BNC2: variants seen among roughly 807,000 people sequenced by gnomAD.
BNC2 encodes the protein basonuclin zinc finger protein 2, also known as zinc finger protein basonuclin-2.
In BNC2, 20 loss-of-function variants were observed where a neutral mutation model predicts 76.3. The observed-to-expected ratio is 0.26, with a 90% CI of 0.18 to 0.38. The LOEUF is 0.38. Ranked by LOEUF, BNC2 falls within the 10% of genes least tolerant of loss-of-function variation. The pLI is 1.00. For missense variants in BNC2, 1,382 were observed against 1,399.8 expected (o/e 0.99, Z 0.20); for synonymous variants, 582 against 514.8 (o/e 1.13, Z -1.77).
At chr9:16,532,005 T>G (rs1036699284) in intron 5 of BNC2, among the ~76,000 whole-genome samples, 2 of 152,078 alleles carry the variant, frequency 1.3e-5, no homozygotes, top group Non-Finnish European at 2.9e-5. Context: ...GTTATCTCAG[T>G]TGCTAACGCA....
intron 1 of BNC2, among the ~76,000 whole-genome samples, chr9:16,820,873 CA>C (rs1416947835): frequency 6.6e-6 from 1 of 151,332 alleles, no homozygotes; most frequent in African/African-American, 2.4e-5. Flanking sequence ...AATCAAACAG[CA>C]ATGGGAAAAC....
rs545565230 is a variant in BNC2 at position 16,483,696 on chromosome 9, T to C, written c.670-46172A>G. Among the ~76,000 whole-genome samples, 3 of 152,280 alleles carry C rather than the reference T, an allele frequency of 2.0e-5. No individual in the cohort carries two copies. In the South Asian group the frequency reaches 6.2e-4, roughly 32 times the overall value. On this transcript the variant is annotated intron_variant, in intron 5 of 6. Coordinates refer to ENST00000380672, the MANE Select transcript of BNC2 (RefSeq NM_017637.6). ...AAATCCAAGCAAATTCACACGCATA[T>C]GTGGAGATTATTTTCAGGGATACTT...
chr9:16,806,241 A>C (rs1276041952), intron 1 of BNC2, among the ~76,000 whole-genome samples: 1 of 152,298 alleles, frequency 6.6e-6, no homozygotes, highest in Non-Finnish European at 1.5e-5. Context: ...TCTGGGAGGC[A>C]AAAGCAGGAG....
intron 1 of BNC2, among the ~76,000 whole-genome samples, chr9:16,741,752 G>A (rs1336756661): frequency 6.6e-6 from 1 of 152,076 alleles, no homozygotes; most frequent in Non-Finnish European, 1.5e-5. Flanking sequence ...GAGGTCAGGA[G>A]TTCAAGACCA....
chr9:16,648,171 T>C (rs1821689197), intron 3 of BNC2, among the ~76,000 whole-genome samples: 2 of 152,182 alleles, frequency 1.3e-5, no homozygotes, highest in African/African-American at 4.8e-5. Flanking sequence ...GAGAGATAAA[T>C]GCTCTGCTGC....
At chr9:16,663,206 T>G (rs1183399526) in intron 3 of BNC2, among the ~76,000 whole-genome samples, 3 of 145,450 alleles carry the variant, frequency 2.1e-5, no homozygotes, top group Non-Finnish European at 4.5e-5. Context: ...CCCGGCTCAC[T>G]GCAACCTCCA....
At position 16,665,224 on chromosome 9, in the gene BNC2, G is replaced by A. The variant is rs761539175; in HGVS notation, c.330+62573C>T. 3.4e-5 allele frequency: 13 copies of A among 379,132 alleles called. 1 individual carries two copies. Among genetic ancestry groups the A allele is most frequent in the South Asian group, 2.4e-4 (12 of 49,594 alleles). 23.5% of individuals were successfully genotyped at this position (379,132 alleles called of 1,614,324 possible). A position where few individuals can be genotyped will look rare whatever the true frequency, so the allele number is the denominator to read the frequency against. On this transcript the variant is annotated intron_variant, in intron 3 of 6. Transcript: ENST00000380672. The stretch of plus-strand genomic sequence containing the variant: ...TTTCTACTAAAAATAGAAAAAATTA[G>A]CCAGGCATGGTGGTGCATGCCTGTA...
In BNC2 at chr9:16,728,092, G is replaced by A. The variant is rs537697651; in HGVS notation, c.130-95C>T. 1.0e-5 allele frequency: 9 copies of A among 875,360 alleles called. No individual in the cohort carries two copies. In the South Asian group the frequency reaches 1.2e-4, roughly 11 times the overall value. The allele number at this position is 875,360 out of a possible 1,614,324, so 54.2% of individuals were successfully genotyped here. A position where few individuals can be genotyped will look rare whatever the true frequency, so the allele number is the denominator to read the frequency against. On this transcript the variant is annotated intron_variant, in intron 2 of 6. Coordinates refer to ENST00000380672, the MANE Select transcript of BNC2 (RefSeq NM_017637.6). ...CTGGCTGAACTGTGCATTTCATTTGGGAAGGGGGAGATTTGGGGGAGGGAG... is the reference window on the plus strand; with the variant it reads ...CTGGCTGAACTGTGCATTTCATTTGAGAAGGGGGAGATTTGGGGGAGGGAG...
chr9:16,548,967 A>G (rs1818573396), intron 5 of BNC2, among the ~76,000 whole-genome samples: 1 of 152,244 alleles, frequency 6.6e-6, no homozygotes, highest in Admixed American at 6.5e-5. Context: ...ATAGACACTC[A>G]CATAGGTGAA....
At chr9:16,744,614 G>A (rs1433016232) in intron 1 of BNC2, among the ~76,000 whole-genome samples, 1 of 152,180 alleles carries the variant, frequency 6.6e-6, no homozygotes, top group Non-Finnish European at 1.5e-5. Flanking sequence ...CCCAGAGGAA[G>A]GGATCATCAC....
intron 1 of BNC2, among the ~76,000 whole-genome samples, chr9:16,787,672 C>T (rs3927536): frequency 0.56 from 84,645 of 151,970 alleles, 28,587 homozygotes; most frequent in Non-Finnish European, 0.77. Flanking sequence ...CTCTGGCCAC[C>T]GCTTCCTACA....
At chr9:16,458,605 G>T (rs931932128) in intron 5 of BNC2, among the ~76,000 whole-genome samples, 1 of 152,088 alleles carries the variant, frequency 6.6e-6, no homozygotes, top group East Asian at 1.9e-4. Context: ...AAAACAATCC[G>T]CCAACTACAT....
intron 3 of BNC2, among the ~76,000 whole-genome samples, chr9:16,641,519 C>A (rs984704061): frequency 6.6e-6 from 1 of 152,150 alleles, no homozygotes; most frequent in Non-Finnish European, 1.5e-5. Context: ...AATTAATTTC[C>A]TGATTGTTTA....
At position 16,436,139 on chromosome 9, in the gene BNC2, G is replaced by A; in HGVS notation, c.2055C>T (p.Gly685=). ...HCHSQEEMSP[G]MSVKDFSKHN... Reference sequence around the variant, plus strand: ...GCTTAGAAAAGTCCTTCACAGACATGCCTGGGCTCATCTCCTCTTGGGAGT... The same window carrying A: ...GCTTAGAAAAGTCCTTCACAGACATACCTGGGCTCATCTCCTCTTGGGAGT... Residue 685 remains glycine, a synonymous_variant, in exon 6 of 7, where the codon GGC becomes GGT. Transcript: ENST00000380672. 1 of 1,614,128 alleles carries A rather than the reference G, an allele frequency of 6.2e-7. No individual in the cohort carries two copies. Among genetic ancestry groups the A allele is most frequent in the Non-Finnish European group, 8.5e-7 (1 of 1,180,030 alleles).
chr9:16,582,597 G>A (rs538470620), intron 4 of BNC2, among the ~76,000 whole-genome samples: 2 of 152,142 alleles, frequency 1.3e-5, no homozygotes, highest in Non-Finnish European at 2.9e-5. Flanking sequence ...AGCAGTCATC[G>A]AGGAGTTCTC....
Position 16,436,587 on chromosome 9 carries a change from C to A in BNC2, c.1607G>T (p.Arg536Leu), listed in dbSNP as rs376354558. The stretch of plus-strand genomic sequence containing the variant: ...GGGAGTGGTAAAACCCATTGGGGGT[C>A]GGCCAGGGCTTGTGAGTGCCAGATT... ...KSNLALTSPG[R>L]PPMGFTTPPL... The change falls in exon 6 of 7, where the codon CGA becomes CTA. Residue 536 changes from arginine to leucine, a missense_variant. Physicochemically the swap from Arg to Leu is moderately radical, Grantham distance 102. Coordinates refer to ENST00000380672, the MANE Select transcript of BNC2 (RefSeq NM_017637.6). 1.9e-5 allele frequency: 30 copies of A among 1,613,960 alleles called. No individual in the cohort carries two copies. The highest frequency in any genetic ancestry group is 2.5e-5 in the Non-Finnish European group (30 of 1,179,996).
At chr9:16,632,875 C>T (rs1275338897) in intron 3 of BNC2, among the ~76,000 whole-genome samples, 2 of 152,118 alleles carry the variant, frequency 1.3e-5, no homozygotes, top group African/African-American at 4.8e-5. Flanking sequence ...AAGCAATACT[C>T]TTAGGGAAAA....
At chr9:16,474,042 T>A (rs188787392) in intron 5 of BNC2, among the ~76,000 whole-genome samples, 3 of 152,224 alleles carry the variant, frequency 2.0e-5, no homozygotes, top group Non-Finnish European at 4.4e-5. Flanking sequence ...CTCCAAATTC[T>A]CTGGGTCTTT....
At chr9:16,475,305 C>G (rs137912714) in intron 5 of BNC2, among the ~76,000 whole-genome samples, 18 of 152,170 alleles carry the variant, frequency 1.2e-4, no homozygotes, top group African/African-American at 4.1e-4. Flanking sequence ...TGCCTCTTAC[C>G]CTAAACATGG....
Sources: allele counts gnomAD v4.1 joint callset (sites outside exome capture counted in the v4.1 genomes callset), GRCh38; gene constraint gnomAD v4.1.1; transcripts MANE v1.5; gene names NCBI Gene and HGNC (gene_info 2026-07-23, HGNC 2026-07-21).